The following DUS1L variants were observed in gnomAD, a reference collection of about 807,000 sequenced individuals.
DUS1L encodes the protein dihydrouridine synthase 1 like.
Under a neutral mutation model 61.2 loss-of-function variants are expected in DUS1L, and 56 were observed. That is an observed-to-expected ratio of 0.92 (90% CI 0.74 to 1.14). The LOEUF is 1.14. Among genes scored for constraint, DUS1L ranks in the 50% most tolerant of loss-of-function variants. The probability of loss-of-function intolerance (pLI) is 0.00; values close to 1 mark genes in which losing one functional copy is unlikely to be tolerated. For synonymous variants in DUS1L, 278 were observed against 259.5 expected, an observed-to-expected ratio of 1.07 and a Z score of -0.69; for missense variants, 630 against 632.4, an observed-to-expected ratio of 1.00 and a Z score of 0.04.
At position 82,061,370 on chromosome 17, in the gene DUS1L, G is replaced by C; in HGVS notation, c.698-17C>G. ...GGTTGCCCTCTGTGGGAGGAGGAGCGGGGAAGGACACCTCGTGGGTTGCTC... is the reference window on the plus strand; with the variant it reads ...GGTTGCCCTCTGTGGGAGGAGGAGCCGGGAAGGACACCTCGTGGGTTGCTC... On this transcript the variant is annotated splice_polypyrimidine_tract_variant and intron_variant, in intron 7 of 13. Coordinates refer to ENST00000306796, the MANE Select transcript of DUS1L (RefSeq NM_022156.5). 9 of 1,558,188 alleles carry C rather than the reference G, an allele frequency of 5.8e-6. No homozygotes were observed. Among genetic ancestry groups the C allele is most frequent in the Non-Finnish European group, 7.8e-6 (9 of 1,148,512 alleles).
chr17:82,061,304 C>T lies in DUS1L; in HGVS notation c.747G>A (p.Val249=). 6.2e-7 allele frequency: 1 copy of T among 1,610,584 alleles called. No homozygotes were observed. The highest frequency in any genetic ancestry group is 8.5e-7 in the Non-Finnish European group (1 of 1,178,586). The change falls in exon 8 of 14, where the codon GTG becomes GTA. Residue 249 remains valine (V), a synonymous_variant. Coordinates refer to ENST00000306796, the MANE Select transcript of DUS1L (RefSeq NM_022156.5). Reference sequence around the variant, plus strand: ...CCAGATACTCCTCGGCCAGCTCCCACACGGCAGGGCTCCGGCCCTCGAACA... The same window carrying T: ...CCAGATACTCCTCGGCCAGCTCCCATACGGCAGGGCTCCGGCCCTCGAACA... The part of the protein sequence containing the change: ...PALFEGRSPA[V]WELAEEYLDI...
At chr17:82,062,755 T>G in intron 5 of DUS1L, 106 bp downstream of exon 5, 4 of 1,005,720 alleles carry the variant, frequency 4.0e-6, no homozygotes, top group Non-Finnish European at 1.5e-6. Flanking sequence ...ACTGCCCCCA[T>G]GAGGCCGACG....
chr17:82,065,162 C>A, intron 1 of DUS1L, 93 bp from the exon 2 acceptor site: 1 of 1,116,550 alleles, frequency 9.0e-7, no homozygotes, highest in South Asian at 1.6e-5. Context: ...TAAGGCCGCT[C>A]CAGTACCACC....
intron 10 of DUS1L, 96 bp downstream of exon 10, chr17:82,060,605 T>C (rs1453418763): frequency 1.4e-6 from 2 of 1,461,222 alleles, no homozygotes; most frequent in Non-Finnish European, 1.8e-6. Context: ...CTGACCATAA[T>C]GGCTGAGGAC....
chr17:82,065,012 C>G lies in DUS1L; in HGVS notation c.48G>C (p.Gly16=), dbSNP rs551324607. The G allele has an allele frequency of 6.2e-7, 1 of 1,609,668 alleles. No individual in the cohort carries two copies. Among genetic ancestry groups the G allele is most frequent in the Non-Finnish European group, 8.5e-7 (1 of 1,178,034 alleles). ...GFEFWSRTLR[G]ARHVVAPMVD... ...CCATGGGGGCCACGACGTGGCGGGCCCCTCGCAGGGTGCGGCTCCAGAACT... is the reference window on the plus strand; with the variant it reads ...CCATGGGGGCCACGACGTGGCGGGCGCCTCGCAGGGTGCGGCTCCAGAACT... Residue 16 remains glycine, a synonymous_variant, in exon 2 of 14, where the codon GGG becomes GGC. Coordinates refer to ENST00000306796, the MANE Select transcript of DUS1L (RefSeq NM_022156.5).
At position 82,059,950 on chromosome 17, in the gene DUS1L, T is replaced by A; in HGVS notation, c.1166A>T (p.Lys389Met). 6.2e-7 allele frequency: 1 copy of A among 1,613,938 alleles called. No homozygotes were observed. Among genetic ancestry groups the A allele is most frequent in the Non-Finnish European group, 8.5e-7 (1 of 1,179,970 alleles). The change falls in exon 11 of 14, where the codon AAG becomes ATG. Residue 389 changes from lysine (K) to methionine (M), a missense_variant and splice_region_variant. Transcript: ENST00000306796. ...NPHKTFDPSL[K>M]PKYAKCDQCG... Reference sequence around the variant, plus strand: ...CCATCAGCGGAAGCAGCACTTACGCTTCAGAGAGGGGTCGAAGGTCTTGTG... The same window carrying A: ...CCATCAGCGGAAGCAGCACTTACGCATCAGAGAGGGGTCGAAGGTCTTGTG...
At chr17:82,062,068 C>T (rs1210811913) in intron 5 of DUS1L, 85 bp from the exon 6 acceptor site, 42 of 1,244,104 alleles carry the variant, frequency 3.4e-5, no homozygotes, top group Admixed American at 1.0e-4. Context: ...CCCCTCTGCC[C>T]CTACTCCACC....
chr17:82,064,274 C>A, intron 2 of DUS1L, 40 bp from the exon 3 acceptor site: 1 of 1,564,244 alleles, frequency 6.4e-7, no homozygotes, highest in Non-Finnish European at 8.7e-7. Flanking sequence ...CCCAGCCAGG[C>A]CCTAGTCCCT....
chr17:82,064,414 G>A (rs1029231142), intron 2 of DUS1L, among the ~76,000 whole-genome samples, 180 bp from the exon 3 acceptor site: 19 of 152,184 alleles, frequency 1.2e-4, no homozygotes, highest in Non-Finnish European at 2.5e-4. Context: ...CAAGCCACCC[G>A]GATTTACAGA....
At position 82,061,698 on chromosome 17, in the gene DUS1L, AAC is replaced by A; in HGVS notation, c.615_616del (p.Phe206CysfsTer2). The A allele has an allele frequency of 5.0e-6, 8 of 1,612,996 alleles. No homozygotes were observed. Among genetic ancestry groups the A allele is most frequent in the Non-Finnish European group, 6.8e-6 (8 of 1,179,900 alleles). ...CAGGCACTGGATGTTCCCGTTAGCA[AAC>A]ACAGGGATGGCCACAGCCTTCCTGT... On this transcript the variant is annotated frameshift_variant, in exon 7 of 14. Transcript: ENST00000306796. LOFTEE classifies it high-confidence loss of function.
chr17:82,062,117 A>G (rs1174832798), intron 5 of DUS1L, 134 bp from the exon 6 acceptor site: 2 of 714,008 alleles, frequency 2.8e-6, no homozygotes, highest in Non-Finnish European at 4.3e-6. Flanking sequence ...CCTGTGCCCC[A>G]TGCCCGACTG....
intron 2 of DUS1L, 25 bp downstream of exon 2, chr17:82,064,798 C>G (rs1381044408): frequency 6.3e-7 from 1 of 1,585,114 alleles, no homozygotes; most frequent in Non-Finnish European, 8.6e-7. Context: ...CAACCGCGGC[C>G]GCGGCCACAG....
intron 10 of DUS1L, chr17:82,060,488 C>T (rs936292784): frequency 4.8e-6 from 3 of 622,076 alleles, no homozygotes; most frequent in East Asian, 5.5e-5. Flanking sequence ...AGGGAGGACA[C>T]AGCTGAGCCA....
At chr17:82,064,316 AC>A in intron 2 of DUS1L, 82 bp from the exon 3 acceptor site, 2 of 1,223,630 alleles carry the variant, frequency 1.6e-6, no homozygotes, top group Non-Finnish European at 2.3e-6. Context: ...GTCCAGTGTG[AC>A]CCCATGAGGG....
chr17:82,059,239 C>A, intron 11 of DUS1L: 1 of 197,616 alleles, frequency 5.1e-6, no homozygotes, highest in South Asian at 9.9e-5. Context: ...CCACTTCCTG[C>A]CTCTCCCAGC....
chr17:82,063,434 T>G, intron 4 of DUS1L, 34 bp downstream of exon 4: 1 of 1,613,628 alleles, frequency 6.2e-7, no homozygotes, highest in Non-Finnish European at 8.5e-7. Flanking sequence ...TGAGGGTCTC[T>G]GGGGGTCCTT....
intron 11 of DUS1L, chr17:82,059,142 G>T (rs575974224): frequency 8.4e-6 from 3 of 356,472 alleles, no homozygotes; most frequent in Admixed American, 3.8e-5. Flanking sequence ...TGCCCACAGG[G>T]TCCAAGGGGG....
chr17:82,060,154 C>T, intron 10 of DUS1L, 61 bp from the exon 11 acceptor site: 2 of 1,570,378 alleles, frequency 1.3e-6, no homozygotes, highest in African/African-American at 1.3e-5. Context: ...GCAGCCACAG[C>T]CACACGGGTC....
intron 3 of DUS1L, 103 bp downstream of exon 3, chr17:82,064,023 C>CA: frequency 2.0e-6 from 2 of 1,003,548 alleles, no homozygotes; most frequent in Admixed American, 4.2e-5. Flanking sequence ...ACTGTCACGA[C>CA]AGAGGCAGGG....
Sources: gnomAD v4.1 joint callset for allele counts (sites outside exome capture counted in the v4.1 genomes callset) on GRCh38, gnomAD v4.1.1 for gene constraint, MANE v1.5 for transcripts, NCBI Gene and HGNC (gene_info 2026-07-23, HGNC 2026-07-21) for gene names.